AAAS: variants seen among roughly 807,000 people sequenced by gnomAD.
AAAS encodes the protein aladin WD repeat nucleoporin.
AAAS carries 60 observed loss-of-function variants against 75.6 expected under a neutral mutation model. That is an observed-to-expected ratio of 0.79 (90% CI 0.64 to 0.98). The LOEUF is 0.98. Ranked by LOEUF, AAAS falls within the 50% of genes least tolerant of loss-of-function variation. The probability of loss-of-function intolerance (pLI) is 0.00; values close to 1 mark genes in which losing one functional copy is unlikely to be tolerated. For missense variants in AAAS, 658 were observed against 686.9 expected (o/e 0.96, Z 0.47); for synonymous variants, 271 against 265.0 (o/e 1.02, Z -0.22).
intron 5 of AAAS, 82 bp downstream of exon 5, chr12:53,315,012 T>C: frequency 1.3e-6 from 2 of 1,522,180 alleles, no homozygotes; most frequent in Non-Finnish European, 1.8e-6. Flanking sequence ...AGAAAAGGAG[T>C]AGGAGTCTTT....
Position 53,309,210 on chromosome 12 carries a change from G to C in AAAS, c.882C>G (p.Leu294=). ...GGATTTTGCTGCCGTCTGGGGACCA[G>C]AGCAGGTTGGTCACCCCACCTCCTC... The part of the protein sequence containing the change: ...WFRGGGVTNL[L]WSPDGSKILA... Residue 294 remains leucine (L), a synonymous_variant, in exon 9 of 16, where the codon CTC becomes CTG. Transcript: ENST00000209873. 1 of 1,614,156 alleles carries C rather than the reference G, an allele frequency of 6.2e-7. No homozygotes were observed. Among genetic ancestry groups the C allele is most frequent in the Non-Finnish European group, 8.5e-7 (1 of 1,180,024 alleles).
rs1237238261 is a variant in AAAS at position 53,308,116 on chromosome 12, C to T, written c.1267G>A (p.Asp423Asn). The stretch of plus-strand genomic sequence containing the variant: ...AAAAGGAGGATGACTGGTTTACCAT[C>T]CTGTACCCTTGGCTTTCCTGTAAGA... ...VLMKGKPRVQ[D>N]GKPVILLFRT... Residue 423 changes from aspartate (D) to asparagine (N), a missense_variant, in exon 14 of 16, where the codon GAT becomes AAT. Asp to Asn is a conservative substitution (Grantham distance 23, BLOSUM62 1). Transcript: ENST00000209873. The T allele has an allele frequency of 5.6e-6, 9 of 1,614,202 alleles. No individual in the cohort carries two copies. Among genetic ancestry groups the T allele is most frequent in the Non-Finnish European group, 7.6e-6 (9 of 1,180,040 alleles).
chr12:53,321,448 C>G lies in AAAS; in HGVS notation c.18G>C (p.Leu6Phe). Residue 6 changes from leucine to phenylalanine, a missense_variant, in exon 1 of 16, where the codon TTG becomes TTC. Leu to Phe is a conservative substitution (Grantham distance 22). Coordinates refer to ENST00000209873, the MANE Select transcript of AAAS (RefSeq NM_015665.6). Reference protein sequence around the residue: MCSLGLFPPPPPRGQV... With the variant: MCSLGFFPPPPPRGQV... The stretch of plus-strand genomic sequence containing the variant: ...GACCCCGAGGCGGTGGAGGAGGGAA[C>G]AACCCCAGAGAGCACATCTTGCCGG... 6.2e-7 allele frequency: 1 copy of G among 1,614,190 alleles called. No homozygotes were observed. Among genetic ancestry groups the G allele is most frequent in the Non-Finnish European group, 8.5e-7 (1 of 1,180,026 alleles).
At chr12:53,314,716 A>C in intron 6 of AAAS, 35 bp downstream of exon 6, 1 of 1,596,716 alleles carries the variant, frequency 6.3e-7, no homozygotes. Context: ...GGTGATATTG[A>C]CAAGTCAGAG....
At chr12:53,310,334 C>T (rs775007242) in intron 7 of AAAS, among the ~76,000 whole-genome samples, 2 of 152,080 alleles carry the variant, frequency 1.3e-5, no homozygotes, top group African/African-American at 2.4e-5. Context: ...CCGAGGTGGG[C>T]GGATCACGAG....
rs758789451 is a variant in AAAS at position 53,321,315 on chromosome 12, AGGTCCCCTCCCTCCTCGCC to A, written c.123+9_123+27del. ...TCCCCGACTCCGCCCCCATGCCTGT[AGGTCCCCTCCCTCCTCGCC>A]CTGGCCACCTGGCCCCGGAAGTCGG... On this transcript the variant is annotated intron_variant, in intron 1 of 15. Transcript: ENST00000209873. The A allele has an allele frequency of 6.9e-5, 111 of 1,606,048 alleles. No homozygotes were observed. The South Asian group carries it at 1.2e-3, about 17-fold the overall frequency.
rs150511103 is a variant in AAAS at position 53,308,051 on chromosome 12, C to G, written c.1331+1G>C. 6 of 1,614,202 alleles carry G rather than the reference C, an allele frequency of 3.7e-6. No homozygotes were observed. In the African/African-American group the frequency reaches 5.3e-5, roughly 14 times the overall value. On this transcript the variant is annotated splice_donor_variant, in intron 14 of 15. Transcript: ENST00000209873. LOFTEE classifies it high-confidence loss of function. ...GACCTAAGGGCCCACATGGCACTTA[C>G]CAGGGAAGGAGCTCAAACACAGGGC...
At chr12:53,311,285 A>C (rs1944385725) in intron 7 of AAAS, among the ~76,000 whole-genome samples, 1 of 152,006 alleles carries the variant, frequency 6.6e-6, no homozygotes, top group South Asian at 2.1e-4. Context: ...TTTTAAATCG[A>C]GTTCCGCTCT....
intron 2 of AAAS, among the ~76,000 whole-genome samples, chr12:53,318,537 A>G (rs752515889): frequency 5.9e-5 from 9 of 152,110 alleles, no homozygotes; most frequent in Admixed American, 3.3e-4. Flanking sequence ...TAGATGAGAG[A>G]ACAAAGGTGT....
intron 2 of AAAS, among the ~76,000 whole-genome samples, chr12:53,318,273 T>TGTGTGTGTGTGTG (rs1230106640): frequency 6.6e-6 from 1 of 151,104 alleles, no homozygotes; most frequent in African/African-American, 2.4e-5. Flanking sequence ...TGTGTGTGTG[T>TGTGTGTGTGTGTG]TAAGACGGAG....
chr12:53,315,338 C>T lies in AAAS; in HGVS notation c.396G>A (p.Leu132=). 1 of 1,614,126 alleles carries T rather than the reference C, an allele frequency of 6.2e-7. No individual in the cohort carries two copies. Among genetic ancestry groups the T allele is most frequent in the Non-Finnish European group, 8.5e-7 (1 of 1,180,016 alleles). Reference sequence around the variant, plus strand: ...CTGGGGAGGAAGCCAAACTTACAGACAGATGGGGGAACAGGGACCCATGGA... The same window carrying T: ...CTGGGGAGGAAGCCAAACTTACAGATAGATGGGGGAACAGGGACCCATGGA... ...SSLHGSLFPH[L]SLRSEDLIAE... is the part of the protein sequence containing the mutation. The change falls in exon 4 of 16, where the codon CTG becomes CTA. Residue 132 remains leucine (L), a synonymous_variant. Transcript: ENST00000209873.
chr12:53,321,559 A>G lies in AAAS; in HGVS notation c.-94T>C. ...AACTCGGTTCCCGGGCTAGATTCGT[A>G]TGCGGACGGGTACCGCAAGGGACAA... On this transcript the variant is annotated 5_prime_UTR_variant, in exon 1 of 16. Transcript: ENST00000209873. 1.9e-6 allele frequency: 3 copies of G among 1,600,046 alleles called. No homozygotes were observed. Among genetic ancestry groups the G allele is most frequent in the Non-Finnish European group, 2.6e-6 (3 of 1,175,650 alleles).
intron 6 of AAAS, 96 bp from the exon 7 acceptor site, chr12:53,314,537 A>G: frequency 1.3e-6 from 2 of 1,564,256 alleles, no homozygotes; most frequent in East Asian, 4.5e-5. Context: ...GAGAAGAAGG[A>G]TGATCCATCC....
In AAAS at chr12:53,307,906, C is replaced by T; in HGVS notation, c.1355G>A (p.Gly452Glu). The T allele has an allele frequency of 3.1e-6, 5 of 1,614,200 alleles. No homozygotes were observed. Among genetic ancestry groups the T allele is most frequent in the Non-Finnish European group, 3.4e-6 (4 of 1,180,042 alleles). The change falls in exon 15 of 16, where the codon GGA becomes GAA. Residue 452 changes from glycine (G) to glutamate (E), a missense_variant. Physicochemically the swap from Gly to Glu is moderately conservative, Grantham distance 98. Coordinates refer to ENST00000209873, the MANE Select transcript of AAAS (RefSeq NM_015665.6). ...LPCGIIQGEP[G>E]AQPQLITFHP... ...GAAAGTGATGAGCTGGGGCTGGGCT[C>T]CTGGCTCCCCCTGGATAATGCCACT...
At chr12:53,314,198 G>T in intron 7 of AAAS, 100 bp downstream of exon 7, 1 of 1,523,182 alleles carries the variant, frequency 6.6e-7, no homozygotes, top group Non-Finnish European at 9.1e-7. Flanking sequence ...GGGAAGTGCT[G>T]TGAGGACAAA....
intron 1 of AAAS, 117 bp downstream of exon 1, chr12:53,321,226 G>T: frequency 6.7e-7 from 1 of 1,494,728 alleles, no homozygotes; most frequent in Non-Finnish European, 9.0e-7. Flanking sequence ...CCGGGGCCAA[G>T]CTGTTTCCAC....
At chr12:53,319,521 T>C (rs1304668367) in intron 2 of AAAS, among the ~76,000 whole-genome samples, 2 of 152,152 alleles carry the variant, frequency 1.3e-5, no homozygotes, top group African/African-American at 4.8e-5. Context: ...AAGGAATTAA[T>C]ATGTGCCATT....
intron 1 of AAAS, 162 bp downstream of exon 1, chr12:53,321,181 G>A (rs1288104808): frequency 8.8e-7 from 1 of 1,135,268 alleles, no homozygotes; most frequent in Non-Finnish European, 1.2e-6. Context: ...TCCAATCCCA[G>A]TCCTAAAACA....
chr12:53,319,895 C>A (rs1033008919), intron 2 of AAAS, among the ~76,000 whole-genome samples: 2 of 150,934 alleles, frequency 1.3e-5, no homozygotes, highest in Admixed American at 1.3e-4. Context: ...CCAAGGCGGG[C>A]ACATCATCTG....
Sources: gnomAD v4.1 joint callset for allele counts (sites outside exome capture counted in the v4.1 genomes callset) on GRCh38, gnomAD v4.1.1 for gene constraint, MANE v1.5 for transcripts, NCBI Gene and HGNC (gene_info 2026-07-23, HGNC 2026-07-21) for gene names.